HERC2: variants seen among roughly 807,000 people sequenced by gnomAD.
HERC2 encodes the protein E3 ubiquitin-protein ligase HERC2.
HERC2 carries 102 observed loss-of-function variants against 537.7 expected under a neutral mutation model. The observed-to-expected ratio is 0.19, with a 90% CI of 0.16 to 0.22. The LOEUF is 0.22. Ranked by LOEUF, HERC2 falls within the 10% of genes least tolerant of loss-of-function variation. HERC2 has a pLI of 1.00. For synonymous variants in HERC2, 2,224 were observed against 2,466.2 expected, an observed-to-expected ratio of 0.90 and a Z score of 2.91; for missense variants, 4,236 against 6,198.2, an observed-to-expected ratio of 0.68 and a Z score of 10.63.
chr15:28,179,759 T>C (rs1895648667), intron 57 of HERC2, among the ~76,000 whole-genome samples: 1 of 152,222 alleles, frequency 6.6e-6, no homozygotes, highest in South Asian at 2.1e-4. Flanking sequence ...GCTAGGCTAA[T>C]GTATGTGTTT....
chr15:28,198,535 A>C, intron 49 of HERC2, 32 bp from the exon 50 acceptor site: 1 of 1,611,234 alleles, frequency 6.2e-7, no homozygotes, highest in South Asian at 1.1e-5. Flanking sequence ...CATTATAATC[A>C]ATATTCATTT....
chr15:28,179,168 G>T lies in HERC2; in HGVS notation c.8993C>A (p.Ala2998Asp). 6.2e-7 allele frequency: 1 copy of T among 1,612,870 alleles called. No homozygotes were observed. Among genetic ancestry groups the T allele is most frequent in the Non-Finnish European group, 8.5e-7 (1 of 1,179,536 alleles). The change falls in exon 58 of 93, where the codon GCT (alanine) becomes GAT (aspartate). Residue 2998 changes from alanine to aspartate, a missense_variant. Transcript: ENST00000261609. ...TLSALNVVQV[A>D]GGSKSLFAVT... ...TGCAAACAAACTTTTAGATCCACCA[G>T]CCACCTGTACCACATTCAAAGCTGA...
chr15:28,227,619 A>G (rs1901348026), intron 35 of HERC2, among the ~76,000 whole-genome samples: 1 of 152,206 alleles, frequency 6.6e-6, no homozygotes, highest in Admixed American at 6.5e-5. Context: ...TAGTTGTACC[A>G]TATGACCCTG....
intron 52 of HERC2, 89 bp from the exon 53 acceptor site, chr15:28,192,240 T>G (rs1241512351): frequency 8.7e-7 from 1 of 1,154,950 alleles, no homozygotes; most frequent in Non-Finnish European, 1.2e-6. Flanking sequence ...AAGGAGCTTC[T>G]TAAAGAAAAA....
intron 69 of HERC2, among the ~76,000 whole-genome samples, chr15:28,158,830 A>C (rs1288451859): frequency 1.3e-5 from 2 of 151,036 alleles, no homozygotes; most frequent in African/African-American, 4.9e-5. Flanking sequence ...TCTTCCTAGC[A>C]TTGATGGTCT....
chr15:28,129,924 C>T lies in HERC2; in HGVS notation c.12802+239G>A, dbSNP rs773661487. On this transcript the variant is annotated intron_variant, in intron 83 of 92. Coordinates refer to ENST00000261609, the MANE Select transcript of HERC2 (RefSeq NM_004667.6). ...CTTGAGTAGCTGAGATGCAGGCGCG[C>T]GCCACCATGCCCAGCTAATTTTTGT... Among the ~76,000 whole-genome samples, 29 of 152,170 alleles carry T rather than the reference C, an allele frequency of 1.9e-4. 1 individual carries two copies. The highest frequency in any genetic ancestry group is 1.1e-3 in the Admixed American group (17 of 15,284).
intron 23 of HERC2, among the ~76,000 whole-genome samples, chr15:28,241,540 G>A (rs1903119671): frequency 6.6e-6 from 1 of 152,170 alleles, no homozygotes; most frequent in South Asian, 2.1e-4. Flanking sequence ...AGTAAAAGCA[G>A]GCCGGGCGCA....
intron 41 of HERC2, 31 bp from the exon 42 acceptor site, chr15:28,214,003 A>G (rs752389514): frequency 1.4e-5 from 22 of 1,611,000 alleles, no homozygotes; most frequent in South Asian, 8.8e-5. Context: ...AGCTCGACAG[A>G]GACACTCACG....
intron 69 of HERC2, among the ~76,000 whole-genome samples, chr15:28,154,423 T>C (rs1285033300): frequency 1.3e-5 from 2 of 152,232 alleles, no homozygotes; most frequent in Non-Finnish European, 2.9e-5. Context: ...CAAGGGCAGT[T>C]TGAAAACGGC....
chr15:28,128,093 G>A (rs1190452536), intron 83 of HERC2, among the ~76,000 whole-genome samples: 1 of 152,180 alleles, frequency 6.6e-6, no homozygotes, highest in Non-Finnish European at 1.5e-5. Context: ...AATCTACGCA[G>A]AAACATCGCA....
intron 2 of HERC2, among the ~76,000 whole-genome samples, chr15:28,315,043 T>C (rs1370529865): frequency 6.6e-6 from 1 of 152,206 alleles, no homozygotes; most frequent in Non-Finnish European, 1.5e-5. Flanking sequence ...AGAAAAAATG[T>C]GCTGACTCCT....
intron 20 of HERC2, among the ~76,000 whole-genome samples, chr15:28,252,316 G>A (rs1282013978): frequency 8.6e-5 from 13 of 151,840 alleles, no homozygotes; most frequent in Admixed American, 5.9e-4. Flanking sequence ...AGCAGGAGAC[G>A]GGGAAAACGG....
chr15:28,161,930 G>T (rs535478105), intron 69 of HERC2, among the ~76,000 whole-genome samples: 1 of 152,110 alleles, frequency 6.6e-6, no homozygotes, highest in Non-Finnish European at 1.5e-5. Flanking sequence ...TAGGGCAACC[G>T]GTTTACCATC....
At position 28,321,532 on chromosome 15, in the gene HERC2, C is replaced by T; in HGVS notation, c.-31-68G>A. ...AGTTTACAAAGACACTCCCGAAAGC[C>T]AGAAAAGAAAAAAGAGAGAGAGAAC... On this transcript the variant is annotated intron_variant, in intron 1 of 92. Coordinates refer to ENST00000261609, the MANE Select transcript of HERC2 (RefSeq NM_004667.6). 5.6e-6 allele frequency: 4 copies of T among 715,532 alleles called. 1 individual carries two copies. The South Asian group carries it at 8.2e-5, about 15-fold the overall frequency. The allele number at this position is 715,532 out of a possible 1,614,324, so 44.3% of individuals were successfully genotyped here. A position where few individuals can be genotyped will look rare whatever the true frequency, so the allele number is the denominator to read the frequency against.
At chr15:28,293,185 T>G (rs574480462) in intron 3 of HERC2, among the ~76,000 whole-genome samples, 163 bp from the exon 4 acceptor site, 48 of 152,286 alleles carry the variant, frequency 3.2e-4, no homozygotes, top group African/African-American at 1.2e-3. Context: ...AGACCCAGTA[T>G]AATTTTCATA....
At chr15:28,236,031 G>C (rs12904181) in intron 26 of HERC2, among the ~76,000 whole-genome samples, 58 of 152,172 alleles carry the variant, frequency 3.8e-4, no homozygotes, top group African/African-American at 7.2e-4. Flanking sequence ...GTAGAATGCT[G>C]TTCCCTGAGA....
At chr15:28,198,796 C>T (rs770660546) in intron 48 of HERC2, 27 bp from the exon 49 acceptor site, 1 of 1,586,710 alleles carries the variant, frequency 6.3e-7, no homozygotes, top group Non-Finnish European at 8.6e-7. Context: ...ATTGGAGATC[C>T]AGTCCATCAT....
rs145739307 is a variant in HERC2, at chr15:28,256,472, A to C, written c.2518-155T>G. Among the ~76,000 whole-genome samples, 634 of 152,332 alleles carry C rather than the reference A, an allele frequency of 4.2e-3. 4 individuals are homozygous for C. The highest frequency in any genetic ancestry group is 0.014 in the African/African-American group (596 of 41,572). On this transcript the variant is annotated intron_variant, in intron 17 of 92. Coordinates refer to ENST00000261609, the MANE Select transcript of HERC2 (RefSeq NM_004667.6). Reference sequence around the variant, plus strand: ...TAAAAACTGGACTAAAAAAACTCTTACCCACAATAGTTGAGGTATTTGCTA... The same window carrying C: ...TAAAAACTGGACTAAAAAAACTCTTCCCCACAATAGTTGAGGTATTTGCTA...
At chr15:28,156,723 T>A (rs1893051189) in intron 69 of HERC2, among the ~76,000 whole-genome samples, 1 of 152,146 alleles carries the variant, frequency 6.6e-6, no homozygotes, top group Non-Finnish European at 1.5e-5. Context: ...TTCCTCTTGT[T>A]CTAATTGAAT....
Sources: gnomAD v4.1 joint callset for allele counts (sites outside exome capture counted in the v4.1 genomes callset) on GRCh38, gnomAD v4.1.1 for gene constraint, MANE v1.5 for transcripts, NCBI Gene and HGNC (gene_info 2026-07-23, HGNC 2026-07-21) for gene names.